Variants in GEMIN2 observed in about 807,000 individuals in gnomAD.
GEMIN2 encodes the protein gem-associated protein 2.
In GEMIN2, 37 loss-of-function variants were observed where a neutral mutation model predicts 45.8. That is an observed-to-expected ratio of 0.81 (90% CI 0.62 to 1.06). The LOEUF is 1.06. GEMIN2 is among the 50% of genes least tolerant of loss of function. GEMIN2 has a pLI of 0.00. For missense variants in GEMIN2, 335 were observed against 321.8 expected (o/e 1.04, Z -0.31); for synonymous variants, 101 against 111.5 (o/e 0.91, Z 0.60).
At chr14:39,121,748 T>C (rs963590395) in intron 4 of GEMIN2, among the ~76,000 whole-genome samples, 1 of 152,148 alleles carries the variant, frequency 6.6e-6, no homozygotes. Flanking sequence ...AGTTTCGCTC[T>C]TGTTGCCCAG....
rs950353028 is a variant in GEMIN2 at position 39,118,448 on chromosome 14, A to G, written c.313-92A>G. On this transcript the variant is annotated intron_variant, in intron 3 of 9. Transcript: ENST00000308317. ...CCCCTCCCACCTTTCCCATTTTTCA[A>G]GTTTTAGATGGTTACAATTTTGTGC... 10 of 721,456 alleles carry G rather than the reference A, an allele frequency of 1.4e-5. No individual in the cohort carries two copies. The African/African-American group carries it at 1.6e-4, about 11-fold the overall frequency. 44.7% of individuals were successfully genotyped at this position (721,456 alleles called of 1,614,324 possible).
intron 7 of GEMIN2, among the ~76,000 whole-genome samples, chr14:39,130,403 C>A (rs1183522443): frequency 6.6e-6 from 1 of 152,074 alleles, no homozygotes; most frequent in African/African-American, 2.4e-5. Context: ...GGTGGAAATA[C>A]AAATTTGGTA....
chr14:39,118,342 A>C (rs2052535571), intron 3 of GEMIN2, among the ~76,000 whole-genome samples, 198 bp from the exon 4 acceptor site: 1 of 152,154 alleles, frequency 6.6e-6, no homozygotes, highest in Non-Finnish European at 1.5e-5. Flanking sequence ...TAAGTTCTTT[A>C]GTGGTGATTT....
rs372951283 is a variant in GEMIN2, at chr14:39,114,518, T to C, written c.137+43T>C. The C allele has an allele frequency of 7.4e-5, 107 of 1,437,864 alleles. No individual in the cohort carries two copies. The African/African-American group carries it at 1.3e-3, about 18-fold the overall frequency. 89.1% of individuals were successfully genotyped at this position (1,437,864 alleles called of 1,614,324 possible). A position where few individuals can be genotyped will look rare whatever the true frequency, so the allele number is the denominator to read the frequency against. On this transcript the variant is annotated intron_variant, in intron 1 of 9. Coordinates refer to ENST00000308317, the MANE Select transcript of GEMIN2 (RefSeq NM_003616.3). ...GGGCGGGTGGGCTGGTCTTCTGCCC[T>C]GCCCCTGGGTACAGCCCTCGGTGCT... is the stretch of plus-strand genomic sequence containing the variant.
chr14:39,133,685 C>A lies in GEMIN2; in HGVS notation c.736C>A (p.Pro246Thr). 6.6e-7 allele frequency: 1 copy of A among 1,524,396 alleles called. No individual in the cohort carries two copies. Among genetic ancestry groups the A allele is most frequent in the Non-Finnish European group, 8.9e-7 (1 of 1,126,814 alleles). 94.4% of individuals were successfully genotyped at this position (1,524,396 alleles called of 1,614,324 possible). The stretch of plus-strand genomic sequence containing the variant: ...GGATAGCAAAGATGATGAGAGGGTT[C>A]CTGCTTTGAATTTATTAATCTGCTT... ...LVDSKDDERV[P>T]ALNLLICLVS... The change falls in exon 9 of 10, where the codon CCT (proline) becomes ACT (threonine). Residue 246 changes from proline to threonine, a missense_variant. Pro to Thr is a conservative substitution (Grantham distance 38). Coordinates refer to ENST00000308317, the MANE Select transcript of GEMIN2 (RefSeq NM_003616.3).
chr14:39,132,122 G>T, intron 8 of GEMIN2, 54 bp downstream of exon 8: 1 of 817,940 alleles, frequency 1.2e-6, no homozygotes, highest in Non-Finnish European at 2.1e-6. Flanking sequence ...TTATATGGTG[G>T]TAAAGAAGGA....
chr14:39,123,139 T>G (rs895329592), intron 5 of GEMIN2, among the ~76,000 whole-genome samples: 1 of 152,234 alleles, frequency 6.6e-6, no homozygotes, highest in African/African-American at 2.4e-5. Flanking sequence ...AGACAACTCC[T>G]TGTCCTTCAG....
chr14:39,125,395 G>T (rs1404599659), intron 6 of GEMIN2, among the ~76,000 whole-genome samples: 2 of 152,012 alleles, frequency 1.3e-5, no homozygotes, highest in East Asian at 1.9e-4. Flanking sequence ...TAGATTCTGG[G>T]GTTTGAATTA....
chr14:39,118,231 C>T lies in GEMIN2; in HGVS notation c.312+143C>T. The stretch of plus-strand genomic sequence containing the variant: ...CCAAATTATTTTTATAATCATTAGA[C>T]ATGATACAGTTTGAAATATTTTCTA... On this transcript the variant is annotated intron_variant, in intron 3 of 9. Coordinates refer to ENST00000308317, the MANE Select transcript of GEMIN2 (RefSeq NM_003616.3). 7 of 506,860 alleles carry T rather than the reference C, an allele frequency of 1.4e-5. No individual in the cohort carries two copies. The East Asian group carries it at 1.5e-4, about 11-fold the overall frequency. 31.4% of individuals were successfully genotyped at this position (506,860 alleles called of 1,614,324 possible).
At chr14:39,123,022 A>C (rs928300587) in intron 5 of GEMIN2, among the ~76,000 whole-genome samples, 3 of 152,220 alleles carry the variant, frequency 2.0e-5, no homozygotes, top group Admixed American at 6.5e-5. Flanking sequence ...TAAAATGCAT[A>C]ATCACATCTA....
intron 1 of GEMIN2, 62 bp from the exon 2 acceptor site, chr14:39,114,767 T>G (rs755488259): frequency 9.4e-6 from 9 of 958,472 alleles, no homozygotes; most frequent in Admixed American, 5.8e-5. Flanking sequence ...ATCGCTTGTT[T>G]TACTACACCT....
chr14:39,118,739 C>A, intron 4 of GEMIN2, 140 bp downstream of exon 4: 3 of 439,360 alleles, frequency 6.8e-6, no homozygotes, highest in Admixed American at 3.6e-5. Context: ...AGTAACAATT[C>A]ATTACATTAG....
intron 2 of GEMIN2, among the ~76,000 whole-genome samples, chr14:39,117,700 T>C (rs1297101954): frequency 1.3e-5 from 2 of 152,200 alleles, no homozygotes; most frequent in African/African-American, 4.8e-5. Context: ...GAAAGGCAGG[T>C]AGGGCTAGAT....
chr14:39,114,627 G>A, intron 1 of GEMIN2, 152 bp downstream of exon 1: 1 of 665,968 alleles, frequency 1.5e-6, no homozygotes, highest in Non-Finnish European at 2.6e-6. Context: ...TCTGTTGAAC[G>A]TGATTGCACG....
chr14:39,118,667 A>T (rs1266529540), intron 4 of GEMIN2, 68 bp downstream of exon 4: 7 of 702,514 alleles, frequency 1.0e-5, no homozygotes, highest in Non-Finnish European at 1.8e-5. Context: ...ATTTACTTCC[A>T]GTCGTTAAAG....
chr14:39,122,913 G>A (rs143957754), intron 5 of GEMIN2, among the ~76,000 whole-genome samples: 1 of 152,124 alleles, frequency 6.6e-6, no homozygotes, highest in Non-Finnish European at 1.5e-5. Context: ...CATTTTATGA[G>A]TTGGATAAGA....
At chr14:39,123,955 T>C (rs2052609633) in intron 5 of GEMIN2, among the ~76,000 whole-genome samples, 1 of 151,110 alleles carries the variant, frequency 6.6e-6, no homozygotes, top group Non-Finnish European at 1.5e-5. Flanking sequence ...AGAGAAGTTT[T>C]CACCATGTTG....
chr14:39,125,571 C>T (rs1017445966), intron 6 of GEMIN2, among the ~76,000 whole-genome samples: 2 of 151,868 alleles, frequency 1.3e-5, no homozygotes, highest in Non-Finnish European at 2.9e-5. Context: ...TCCCAAAGTG[C>T]TGGAATTACA....
At chr14:39,131,430 C>CAA (rs1365968996) in intron 7 of GEMIN2, among the ~76,000 whole-genome samples, 1 of 152,100 alleles carries the variant, frequency 6.6e-6, no homozygotes, top group Non-Finnish European at 1.5e-5. Flanking sequence ...TTTTCTGCAT[C>CAA]AAATATGTAT....
Sources: gnomAD v4.1 joint callset for allele counts (sites outside exome capture counted in the v4.1 genomes callset) on GRCh38, gnomAD v4.1.1 for gene constraint, MANE v1.5 for transcripts, NCBI Gene and HGNC (gene_info 2026-07-23, HGNC 2026-07-21) for gene names.